Variants in GRAMD4 observed in about 807,000 individuals in gnomAD.
GRAMD4 encodes the protein GRAM domain-containing protein 4.
A neutral mutation model predicts 83.9 loss-of-function variants in GRAMD4; 25 were observed. That is an observed-to-expected ratio of 0.30 (90% CI 0.22 to 0.42). The LOEUF (loss-of-function observed/expected upper bound fraction) is 0.42. Ranked by LOEUF, GRAMD4 falls within the 10% of genes least tolerant of loss-of-function variation. GRAMD4 has a pLI of 1.00. For missense variants in GRAMD4, 593 were observed against 788.7 expected, an observed-to-expected ratio of 0.75 and a Z score of 2.97; for synonymous variants, 336 against 320.9, an observed-to-expected ratio of 1.05 and a Z score of -0.50.
intron 5 of GRAMD4, among the ~76,000 whole-genome samples, chr22:46,662,626 T>C (rs2082345410): frequency 2.0e-5 from 3 of 152,076 alleles, no homozygotes; most frequent in Non-Finnish European, 4.4e-5. Flanking sequence ...GCTGGGGCAG[T>C]GACCTCTCCA....
In GRAMD4 at chr22:46,665,632, G is replaced by T. The variant is rs764744914; in HGVS notation, c.735G>T (p.Val245=). Residue 245 remains valine (V), a synonymous_variant, in exon 9 of 19, where the codon GTG becomes GTT. Coordinates refer to ENST00000406902, the MANE Select transcript of GRAMD4 (RefSeq NM_015124.5). ...AIAFTVYMNA[V]WHGWAIPLFL... ...ACCCGCAGGTGTACATGAATGCCGT[G>T]TGGCATGGCTGGGCCATCCCATTGT... 1 of 1,593,796 alleles carries T rather than the reference G, an allele frequency of 6.3e-7. No individual in the cohort carries two copies. Among genetic ancestry groups the T allele is most frequent in the South Asian group, 1.1e-5 (1 of 90,538 alleles).
chr22:46,657,165 C>A (rs780197777), intron 3 of GRAMD4, among the ~76,000 whole-genome samples: 58 of 152,184 alleles, frequency 3.8e-4, no homozygotes, highest in Non-Finnish European at 7.9e-4. Context: ...GGTGGATGGG[C>A]TGGGGTGGGG....
Position 46,584,113 on chromosome 22 carries a change from C to T in GRAMD4, c.-50+6823C>T, listed in dbSNP as rs1256236322. ...GGCCGTCGGGTTCCCTGGATGCACC[C>T]CTTCACGGTGGGTGGTGTGAGTCCT... On this transcript the variant is annotated intron_variant, in intron 1 of 1. Coordinates refer to the GRAMD4 transcript ENST00000431155. 1.7e-4 allele frequency among the ~76,000 whole-genome samples: 26 copies of T among 152,142 alleles called. 1 individual carries two copies. Among genetic ancestry groups the T allele is most frequent in the Non-Finnish European group, 3.8e-4 (26 of 68,028 alleles).
intron 13 of GRAMD4, among the ~76,000 whole-genome samples, chr22:46,671,456 A>G (rs1189805397): frequency 6.6e-6 from 1 of 152,166 alleles, no homozygotes; most frequent in South Asian, 2.1e-4. Context: ...CCTGGGCGAC[A>G]GAGCAAGACT....
chr22:46,581,532 G>T (rs999347020), intron 1 of GRAMD4, among the ~76,000 whole-genome samples: 1 of 152,246 alleles, frequency 6.6e-6, no homozygotes, highest in Admixed American at 6.5e-5. Flanking sequence ...TTTTGTGAGA[G>T]AAATATCAGC....
intron 1 of GRAMD4, among the ~76,000 whole-genome samples, chr22:46,611,203 C>T (rs1040782238): frequency 2.0e-4 from 29 of 142,772 alleles, no homozygotes; most frequent in African/African-American, 7.6e-4. Flanking sequence ...GTAACAGGAG[C>T]GAAACTCCAT....
chr22:46,602,532 G>A (rs1291424410), intron 1 of GRAMD4, among the ~76,000 whole-genome samples: 3 of 152,030 alleles, frequency 2.0e-5, no homozygotes, highest in Non-Finnish European at 2.9e-5. Flanking sequence ...GCATGGTGGC[G>A]TGCACCTCTA....
intron 9 of GRAMD4, among the ~76,000 whole-genome samples, chr22:46,666,168 G>A (rs1219927729): frequency 1.3e-5 from 2 of 152,200 alleles, no homozygotes; most frequent in African/African-American, 2.4e-5. Flanking sequence ...CCTGGCCTGA[G>A]TCAGGGCTCT....
At chr22:46,635,947 GC>G (rs1443392809) in intron 2 of GRAMD4, among the ~76,000 whole-genome samples, 2 of 152,198 alleles carry the variant, frequency 1.3e-5, no homozygotes, top group Non-Finnish European at 2.9e-5. Flanking sequence ...TTTGCAGTGT[GC>G]CTCCTCCTGG....
At chr22:46,646,158 G>A (rs1359050327) in intron 3 of GRAMD4, among the ~76,000 whole-genome samples, 1 of 152,190 alleles carries the variant, frequency 6.6e-6, no homozygotes, top group Non-Finnish European at 1.5e-5. Flanking sequence ...TGCTCCCCTA[G>A]GCTACCACGC....
intron 2 of GRAMD4, among the ~76,000 whole-genome samples, chr22:46,635,224 G>A (rs12329933): frequency 0.38 from 7,799 of 20,334 alleles, 821 homozygotes; most frequent in East Asian, 0.67. Flanking sequence ...TGTCCTGGGG[G>A]ACCGTGTCCT....
chr22:46,575,859 C>T (rs2081038962), upstream of GRAMD4, among the ~76,000 whole-genome samples: 1 of 152,230 alleles, frequency 6.6e-6, no homozygotes, highest in Non-Finnish European at 1.5e-5. Flanking sequence ...AGACAGGAAC[C>T]TGAGCCTTGG....
chr22:46,675,926 C>G (rs1033436808), intron 17 of GRAMD4, among the ~76,000 whole-genome samples: 5 of 152,224 alleles, frequency 3.3e-5, no homozygotes, highest in African/African-American at 7.2e-5. Context: ...CTCAGATGGT[C>G]GCGCCCGCTC....
At chr22:46,663,225 G>C in intron 6 of GRAMD4, 53 bp downstream of exon 6, 1 of 1,551,354 alleles carries the variant, frequency 6.4e-7, no homozygotes, top group African/African-American at 1.4e-5. Flanking sequence ...CCGGTCCCTG[G>C]GCTGAGGCTG....
chr22:46,590,818 T>C (rs577343423), intron 1 of GRAMD4, among the ~76,000 whole-genome samples: 2 of 152,240 alleles, frequency 1.3e-5, no homozygotes, highest in South Asian at 2.1e-4. Context: ...CCCAACACTT[T>C]GGGAGGCCGA....
intron 4 of GRAMD4, among the ~76,000 whole-genome samples, chr22:46,660,610 G>A (rs764112953): frequency 4.3e-4 from 65 of 152,296 alleles, no homozygotes; most frequent in Admixed American, 3.3e-3. Flanking sequence ...AAGTCACCTT[G>A]GTTTAAGGCT....
In GRAMD4 at chr22:46,626,682, G is replaced by A; in HGVS notation, c.-49-69G>A. ...TGGAAAGCTGGACCGGCTGTGCCCT[G>A]TGTGTGGGAGCTGGCTCGTGGGGCT... On this transcript the variant is annotated intron_variant, in intron 1 of 18. Coordinates refer to ENST00000406902, the MANE Select transcript of GRAMD4 (RefSeq NM_015124.5). 2.0e-6 allele frequency: 2 copies of A among 979,484 alleles called. 1 individual carries two copies. The highest frequency in any genetic ancestry group is 3.0e-5 in the South Asian group (2 of 66,698). The allele number at this position is 979,484 out of a possible 1,614,324, so 60.7% of individuals were successfully genotyped here.
At chr22:46,615,022 G>A (rs2081461593) in intron 1 of GRAMD4, among the ~76,000 whole-genome samples, 1 of 92,302 alleles carries the variant, frequency 1.1e-5, no homozygotes, top group Non-Finnish European at 2.3e-5. Context: ...TGTGCGTGTG[G>A]GTTCCCCCGT....
chr22:46,589,291 G>A (rs1459908665), intron 1 of GRAMD4, among the ~76,000 whole-genome samples: 10 of 147,026 alleles, frequency 6.8e-5, no homozygotes, highest in Admixed American at 2.7e-4. Context: ...TGGGGGAGCC[G>A]TGGGTGTGGG....
Sources: allele counts gnomAD v4.1 joint callset (sites outside exome capture counted in the v4.1 genomes callset), GRCh38; gene constraint gnomAD v4.1.1; transcripts MANE v1.5; gene names NCBI Gene and HGNC (gene_info 2026-07-23, HGNC 2026-07-21).